KDM4C: variants seen among roughly 807,000 people sequenced by gnomAD.
The protein encoded by KDM4C is lysine-specific demethylase 4C.
Under a neutral mutation model 129.3 loss-of-function variants are expected in KDM4C, and 81 were observed. The observed-to-expected ratio is 0.63, with a 90% CI of 0.52 to 0.75. The LOEUF (loss-of-function observed/expected upper bound fraction) is 0.75. Among genes scored for constraint, KDM4C ranks in the 30% least tolerant of loss-of-function variants. KDM4C has a pLI of 0.00. For missense variants in KDM4C, 1,457 were observed against 1,304.0 expected (o/e 1.12, Z -1.81); for synonymous variants, 573 against 456.1 (o/e 1.26, Z -3.26).
chr9:6,920,467 G>A (rs1402235914), intron 8 of KDM4C, among the ~76,000 whole-genome samples: 1 of 152,004 alleles, frequency 6.6e-6, no homozygotes, highest in African/African-American at 2.4e-5. Flanking sequence ...GGAGACTGAG[G>A]CAGGAGAATC....
chr9:7,124,818 T>C (rs536976164), intron 18 of KDM4C, among the ~76,000 whole-genome samples: 1 of 152,228 alleles, frequency 6.6e-6, no homozygotes, highest in East Asian at 1.9e-4. Context: ...AAGGGAAATA[T>C]CCTTTTGTTC....
chr9:7,015,832 A>C, intron 14 of KDM4C, 21 bp from the exon 15 acceptor site: 1 of 1,545,120 alleles, frequency 6.5e-7, no homozygotes, highest in Non-Finnish European at 8.9e-7. Context: ...TAACGCATGG[A>C]TACATACTAT....
At chr9:7,150,175 C>T (rs1842601769) in intron 19 of KDM4C, among the ~76,000 whole-genome samples, 1 of 152,192 alleles carries the variant, frequency 6.6e-6, no homozygotes, top group African/African-American at 2.4e-5. Flanking sequence ...AACAGTGGTC[C>T]CCACAGAGTG....
chr9:7,025,948 T>G (rs1053971065), intron 15 of KDM4C, among the ~76,000 whole-genome samples: 2 of 152,178 alleles, frequency 1.3e-5, no homozygotes, highest in Non-Finnish European at 2.9e-5. Flanking sequence ...CCCATGCCTG[T>G]AATCCCAGCA....
At chr9:7,006,111 A>G (rs1390467874) in intron 12 of KDM4C, among the ~76,000 whole-genome samples, 1 of 152,252 alleles carries the variant, frequency 6.6e-6, no homozygotes, top group Non-Finnish European at 1.5e-5. Flanking sequence ...CGTTGCTAAC[A>G]ACATCTCAGT....
In KDM4C at chr9:6,758,107, C is replaced by G. The variant is rs886090305; in HGVS notation, c.-114C>G. On this transcript the variant is annotated 5_prime_UTR_variant, in exon 1 of 22. Transcript: ENST00000381309. The surrounding 1 kb of genome is among the most constrained non-coding windows in gnomAD (Gnocchi z 4.6). ...CGAACAGCTGTCACCTAGTGCGGAA[C>G]AAGTCTCCCAAATTTCCCAAATCTC... is the stretch of plus-strand genomic sequence containing the variant. 1.0e-6 allele frequency: 1 copy of G among 985,490 alleles called. No homozygotes were observed. Among genetic ancestry groups the G allele is most frequent in the Non-Finnish European group, 1.2e-6 (1 of 830,074 alleles). 61.0% of individuals were successfully genotyped at this position (985,490 alleles called of 1,614,324 possible).
At chr9:6,931,673 G>C (rs1425986326) in intron 8 of KDM4C, among the ~76,000 whole-genome samples, 1 of 152,010 alleles carries the variant, frequency 6.6e-6, no homozygotes, top group East Asian at 1.9e-4. Flanking sequence ...GCTAATTTTT[G>C]TAGTTTTTGT....
At chr9:6,879,594 C>T (rs1372063373) in intron 5 of KDM4C, among the ~76,000 whole-genome samples, 1 of 152,054 alleles carries the variant, frequency 6.6e-6, no homozygotes, top group African/African-American at 2.4e-5. Context: ...GAGAGCAACC[C>T]AGATTTTCTT....
chr9:6,856,260 A>AT (rs144005107), intron 5 of KDM4C, among the ~76,000 whole-genome samples: 5,415 of 152,174 alleles, frequency 0.036, 306 homozygotes, highest in African/African-American at 0.12. Context: ...GTAATAACTC[A>AT]TACTTGTTAA....
At chr9:6,796,593 C>G (rs567461650) in intron 2 of KDM4C, among the ~76,000 whole-genome samples, 2 of 152,160 alleles carry the variant, frequency 1.3e-5, no homozygotes, top group Non-Finnish European at 2.9e-5. Flanking sequence ...CAGAGCACAC[C>G]TGCGTCGCTG....
At chr9:6,900,435 C>A (rs370563541) in intron 8 of KDM4C, among the ~76,000 whole-genome samples, 1 of 152,232 alleles carries the variant, frequency 6.6e-6, no homozygotes, top group East Asian at 1.9e-4. Flanking sequence ...CACCAAGTGG[C>A]TTTGGACTCT....
chr9:7,049,911 A>G (rs1195748125), intron 17 of KDM4C, among the ~76,000 whole-genome samples: 1 of 152,118 alleles, frequency 6.6e-6, no homozygotes, highest in Non-Finnish European at 1.5e-5. Flanking sequence ...CATGACCTTA[A>G]TGTATTGGAG....
At chr9:6,857,547 C>T (rs1002979385) in intron 5 of KDM4C, among the ~76,000 whole-genome samples, 4 of 152,122 alleles carry the variant, frequency 2.6e-5, no homozygotes, top group African/African-American at 4.8e-5. Flanking sequence ...CTAAAGGAAC[C>T]ATCCAGGATA....
intron 1 of KDM4C, among the ~76,000 whole-genome samples, chr9:6,728,066 CAAAAAAAAAAAAAA>C (rs574486528): frequency 0.16 from 11,843 of 74,184 alleles, 708 homozygotes; most frequent in Middle Eastern, 0.26. Context: ...CATGAAGCTG[CAAAAAAAAAAAAAA>C]AAAAAAAAAA....
chr9:6,984,332 T>C lies in KDM4C; in HGVS notation c.1282T>C (p.Ser428Pro). The C allele has an allele frequency of 6.2e-7, 1 of 1,614,058 alleles. No individual in the cohort carries two copies. The highest frequency in any genetic ancestry group is 8.5e-7 in the Non-Finnish European group (1 of 1,179,940). ...AGTGAAGCTGAGGAACACAGAAGCA[T>C]CTTCAGAAGAAGAGTCATCTGCTAG... is the stretch of plus-strand genomic sequence containing the variant. Reference protein sequence around the residue: ...AAVKLRNTEASSEEESSASRM... With the variant: ...AAVKLRNTEAPSEEESSASRM... Residue 428 changes from serine to proline, a missense_variant, in exon 10 of 22, where the codon TCT (serine) becomes CCT (proline). Physicochemically the swap from Ser to Pro is moderately conservative, Grantham distance 74 (BLOSUM62 -1). Transcript: ENST00000381309.
At chr9:6,998,538 G>C (rs1420489150) in intron 12 of KDM4C, among the ~76,000 whole-genome samples, 1 of 152,196 alleles carries the variant, frequency 6.6e-6, no homozygotes, top group Non-Finnish European at 1.5e-5. Context: ...GCTCACGCCT[G>C]TAATCCCAGC....
At chr9:7,036,636 T>C (rs886597576) in intron 15 of KDM4C, among the ~76,000 whole-genome samples, 1 of 152,194 alleles carries the variant, frequency 6.6e-6, no homozygotes, top group African/African-American at 2.4e-5. Context: ...GTGTTGTAAA[T>C]TAGATGAAGA....
At chr9:7,010,066 G>A (rs1229239496) in intron 12 of KDM4C, among the ~76,000 whole-genome samples, 2 of 152,160 alleles carry the variant, frequency 1.3e-5, no homozygotes, top group African/African-American at 4.8e-5. Context: ...AAACATGGAT[G>A]TAACCAAATA....
At chr9:6,880,511 G>GC (rs150182409) in intron 6 of KDM4C, among the ~76,000 whole-genome samples, 2,191 of 152,180 alleles carry the variant, frequency 0.014, 56 homozygotes, top group African/African-American at 0.05. Flanking sequence ...TTATGTCACT[G>GC]CCGACGCCCA....
Sources: allele counts gnomAD v4.1 joint callset (sites outside exome capture counted in the v4.1 genomes callset), GRCh38; gene constraint gnomAD v4.1.1; non-coding constraint Gnocchi (gnomAD v3.1); transcripts MANE v1.5; gene names NCBI Gene and HGNC (gene_info 2026-07-23, HGNC 2026-07-21).